MAP3K12: variants seen among roughly 807,000 people sequenced by gnomAD.
MAP3K12 encodes MAPK-upstream kinase.
In MAP3K12, 14 loss-of-function variants were observed where a neutral mutation model predicts 87.5. That is an observed-to-expected ratio of 0.16 (90% CI 0.11 to 0.25). The LOEUF (loss-of-function observed/expected upper bound fraction) is 0.25, where lower values mean the gene tolerates loss of function less well. Ranked by LOEUF, MAP3K12 falls within the 10% of genes least tolerant of loss-of-function variation. The probability of loss-of-function intolerance (pLI) is 1.00; values close to 1 mark genes in which losing one functional copy is unlikely to be tolerated. For synonymous variants in MAP3K12, 469 were observed against 452.5 expected, an observed-to-expected ratio of 1.04 and a Z score of -0.46; for missense variants, 802 against 1,140.4, an observed-to-expected ratio of 0.70 and a Z score of 4.27.
At position 53,487,384 on chromosome 12, in the gene MAP3K12, C is replaced by G; in HGVS notation, c.8G>C (p.Cys3Ser). The G allele has an allele frequency of 5.0e-6, 8 of 1,609,432 alleles. No individual in the cohort carries two copies. Among genetic ancestry groups the G allele is most frequent in the Non-Finnish European group, 5.9e-6 (7 of 1,177,510 alleles). The stretch of plus-strand genomic sequence containing the variant: ...AGAGGGTGTTCGGGTCTCATGGAGG[C>G]AAGCCATCGCCTCTGGCCCCTGGTA... MA[C>S]LHETRTPSPS... Residue 3 changes from cysteine (C) to serine (S), a missense_variant, in exon 2 of 14, where the codon TGC becomes TCC. By Grantham distance (112) the Cys-to-Ser change is moderately radical. This residue lies in a region of MAP3K12 where 135 missense variants were observed against 151.6 expected (regional missense o/e 0.89). Coordinates refer to ENST00000547488, the MANE Select transcript of MAP3K12 (RefSeq NM_001193511.2).
Position 53,482,069 on chromosome 12 carries a change from C to T in MAP3K12, c.2452G>A (p.Asp818Asn), listed in dbSNP as rs1943070668. The change falls in exon 13 of 14, where the codon GAT becomes AAT. Residue 818 changes from aspartate to asparagine, a missense_variant. Asp to Asn is a conservative substitution (Grantham distance 23, BLOSUM62 1). Transcript: ENST00000547488. ...GAGCACATGTCATCAGACCGCTCAT[C>T]TGGCCGCTCATCAGTGTTGGTGCTG... is the stretch of plus-strand genomic sequence containing the variant. The part of the protein sequence containing the change: ...VGSTNTDERP[D>N]ERSDDMCSQG... The T allele has an allele frequency of 6.2e-7, 1 of 1,614,078 alleles. No homozygotes were observed.
chr12:53,488,233 T>C (rs1592715411), intron 1 of MAP3K12, among the ~76,000 whole-genome samples: 1 of 152,188 alleles, frequency 6.6e-6, no homozygotes, highest in Non-Finnish European at 1.5e-5. Context: ...GGCCCTCCCT[T>C]CAGTCCAGCG....
chr12:53,498,462 G>C (rs1426217980), intron 1 of MAP3K12, among the ~76,000 whole-genome samples: 1 of 152,112 alleles, frequency 6.6e-6, no homozygotes, highest in Non-Finnish European at 1.5e-5. Context: ...ACGCTCCTCT[G>C]AAAAAGGCAG....
chr12:53,482,024 G>A lies in MAP3K12; in HGVS notation c.2497C>T (p.Leu833=), dbSNP rs953229638. 1.2e-6 allele frequency: 2 copies of A among 1,614,098 alleles called. No individual in the cohort carries two copies. Among genetic ancestry groups the A allele is most frequent in the East Asian group, 2.2e-5 (1 of 44,892 alleles). The change falls in exon 13 of 14, where the codon CTG becomes TTG. Residue 833 remains leucine (L), a synonymous_variant. Coordinates refer to ENST00000547488, the MANE Select transcript of MAP3K12 (RefSeq NM_001193511.2). ...DMCSQGSEIP[L]DPPPSEVIPG... ...ATGACCTCTGAAGGAGGTGGGTCCA[G>A]TGGGATTTCTGAGCCCTGGGAGCAC... is the stretch of plus-strand genomic sequence containing the variant.
At position 53,484,108 on chromosome 12, in the gene MAP3K12, G is replaced by A. The variant is rs536258020; in HGVS notation, c.1249-88C>T. The A allele has an allele frequency of 5.6e-6, 8 of 1,432,330 alleles. No individual in the cohort carries two copies. The South Asian group carries it at 8.2e-5, about 15-fold the overall frequency. 88.7% of individuals were successfully genotyped at this position (1,432,330 alleles called of 1,614,324 possible). A position where few individuals can be genotyped will look rare whatever the true frequency, so the allele number is the denominator to read the frequency against. On this transcript the variant is annotated intron_variant, in intron 7 of 13. Coordinates refer to ENST00000547488, the MANE Select transcript of MAP3K12 (RefSeq NM_001193511.2). ...GTTGCCCACACCACTGCCAATGTGTGTGCTGGAGCAAAAAGGAGTGGATTG... is the reference window on the plus strand; with the variant it reads ...GTTGCCCACACCACTGCCAATGTGTATGCTGGAGCAAAAAGGAGTGGATTG...
At chr12:53,498,949 T>TGGAGATG (rs1316431829) in intron 1 of MAP3K12, among the ~76,000 whole-genome samples, 54 of 24,128 alleles carry the variant, frequency 2.2e-3, no homozygotes, top group South Asian at 3.4e-3. Flanking sequence ...TGTGTGTGTG[T>TGGAGATG]GTGTGTGTGT....
At chr12:53,494,560 TAG>T (rs767682205) in intron 1 of MAP3K12, among the ~76,000 whole-genome samples, 58 of 152,212 alleles carry the variant, frequency 3.8e-4, no homozygotes, top group Non-Finnish European at 6.0e-4. Flanking sequence ...GAATTCTCTC[TAG>T]CTCCTTCTTG....
chr12:53,484,139 G>T, intron 7 of MAP3K12, 118 bp downstream of exon 7: 3 of 1,354,162 alleles, frequency 2.2e-6, no homozygotes, highest in Non-Finnish European at 3.1e-6. Flanking sequence ...GATTGACTCA[G>T]CCCTCTAAGA....
At chr12:53,495,339 CAAAAAAAA>C (rs10647631) in intron 1 of MAP3K12, among the ~76,000 whole-genome samples, 19 of 19,378 alleles carry the variant, frequency 9.8e-4, no homozygotes, top group East Asian at 4.0e-3. Flanking sequence ...ACTCTGTCTC[CAAAAAAAA>C]AAAAAAAAAA....
intron 5 of MAP3K12, 47 bp downstream of exon 5, chr12:53,485,270 C>T: frequency 6.2e-7 from 1 of 1,604,658 alleles, no homozygotes; most frequent in African/African-American, 1.3e-5. Context: ...CCACAATCCC[C>T]CCAGGGCTGG....
chr12:53,481,896 A>C (rs1160839984), intron 13 of MAP3K12, 45 bp downstream of exon 13: 2 of 1,588,996 alleles, frequency 1.3e-6, no homozygotes, highest in African/African-American at 2.7e-5. Context: ...ATCTGCTTAC[A>C]GCTCTCCCTG....
chr12:53,481,125 GTATATA>G lies in MAP3K12; in HGVS notation c.*51_*56del, dbSNP rs1171499281. 9.4e-6 allele frequency: 5 copies of G among 529,722 alleles called. No individual in the cohort carries two copies. The highest frequency in any genetic ancestry group is 1.3e-5 in the Non-Finnish European group (5 of 373,120). The allele number at this position is 529,722 out of a possible 1,614,324, so 32.8% of individuals were successfully genotyped here. A position where few individuals can be genotyped will look rare whatever the true frequency, so the allele number is the denominator to read the frequency against. ...ATGTGGCGCATATATATATATATAT[GTATATA>G]TATATAATTTATATAAATATTTCTC... On this transcript the variant is annotated 3_prime_UTR_variant, in exon 14 of 14. Coordinates refer to ENST00000547488, the MANE Select transcript of MAP3K12 (RefSeq NM_001193511.2).
intron 1 of MAP3K12, among the ~76,000 whole-genome samples, chr12:53,497,573 A>C (rs1387512539): frequency 6.6e-6 from 1 of 152,144 alleles, no homozygotes; most frequent in African/African-American, 2.4e-5. Context: ...GGCCCTCATG[A>C]AGCCCCTATG....
At chr12:53,499,835 T>C (rs981758964), upstream of MAP3K12, among the ~76,000 whole-genome samples, 4 of 152,206 alleles carry the variant, frequency 2.6e-5, no homozygotes, top group Admixed American at 6.5e-5. Context: ...CGGTGTCCTA[T>C]GGAGGTCCCA....
At chr12:53,484,845 T>G in intron 6 of MAP3K12, 1 of 611,660 alleles carries the variant, frequency 1.6e-6, no homozygotes, top group African/African-American at 1.8e-5. Context: ...GCAGATATCG[T>G]TAAGTGTATT....
At chr12:53,491,140 TAGCC>T (rs1047485333) in intron 1 of MAP3K12, among the ~76,000 whole-genome samples, 2 of 151,126 alleles carry the variant, frequency 1.3e-5, no homozygotes, top group African/African-American at 4.9e-5. Flanking sequence ...TACAAAAAAT[TAGCC>T]AGGTGGGGCG....
upstream of MAP3K12, chr12:53,500,924 T>G (rs1457893755): frequency 6.2e-6 from 1 of 160,814 alleles, no homozygotes; most frequent in Non-Finnish European, 1.4e-5. Flanking sequence ...TGACCCTGCC[T>G]CTCCAGCTGC....
chr12:53,497,626 G>C (rs1943569404), intron 1 of MAP3K12, among the ~76,000 whole-genome samples: 1 of 152,266 alleles, frequency 6.6e-6, no homozygotes, highest in East Asian at 1.9e-4. Context: ...CTTCTTCCCA[G>C]CATCACCTCA....
chr12:53,493,373 C>A (rs1943469254), intron 1 of MAP3K12, among the ~76,000 whole-genome samples: 2 of 152,156 alleles, frequency 1.3e-5, no homozygotes, highest in East Asian at 3.9e-4. Context: ...GAGAGATCTT[C>A]GGCTGAGGCG....
Sources: allele counts gnomAD v4.1 joint callset (sites outside exome capture counted in the v4.1 genomes callset), GRCh38; gene constraint gnomAD v4.1.1; regional missense constraint gnomAD v4.1.1; transcripts MANE v1.5; gene names NCBI Gene and HGNC (gene_info 2026-07-23, HGNC 2026-07-21).